The following ICA1 variants were observed in gnomAD, a reference collection of about 807,000 sequenced individuals.
ICA1 encodes 69 kDa islet cell autoantigen.
Under a neutral mutation model 71.0 loss-of-function variants are expected in ICA1, and 40 were observed. The observed-to-expected ratio is 0.56, with a 90% confidence interval of 0.44 to 0.73. The LOEUF is 0.73. ICA1 is among the 30% of genes least tolerant of loss of function. ICA1 has a pLI of 0.00. For synonymous variants in ICA1, 207 were observed against 209.5 expected (o/e 0.99, Z 0.10); for missense variants, 578 against 576.5 (o/e 1.00, Z -0.03).
chr7:8,241,426 T>G (rs533022854), intron 1 of ICA1, among the ~76,000 whole-genome samples: 83 of 152,140 alleles, frequency 5.5e-4, no homozygotes, highest in African/African-American at 1.9e-3. Context: ...GCACTAAACA[T>G]GGAAAGGAAT....
chr7:8,126,356 G>T (rs1022078371), intron 13 of ICA1, among the ~76,000 whole-genome samples: 3 of 152,096 alleles, frequency 2.0e-5, no homozygotes, highest in Admixed American at 1.3e-4. Flanking sequence ...TAGTCAGTTG[G>T]CAGCCTTACT....
At chr7:8,254,162 A>G (rs1208995594) in intron 1 of ICA1, among the ~76,000 whole-genome samples, 1 of 152,186 alleles carries the variant, frequency 6.6e-6, no homozygotes, top group Non-Finnish European at 1.5e-5. Flanking sequence ...CAAGTCACAG[A>G]GTAAAATTTG....
intron 6 of ICA1, among the ~76,000 whole-genome samples, chr7:8,188,393 T>C (rs1267787830): frequency 6.6e-6 from 1 of 152,184 alleles, no homozygotes; most frequent in East Asian, 1.9e-4. Flanking sequence ...TCAAAACTGC[T>C]CTTCCATGGT....
At chr7:8,140,431 G>A (rs1794828202) in intron 10 of ICA1, among the ~76,000 whole-genome samples, 1 of 152,148 alleles carries the variant, frequency 6.6e-6, no homozygotes, top group African/African-American at 2.4e-5. Flanking sequence ...CATAGCACTT[G>A]GCTTAGCCAG....
rs1790901957 is a variant in ICA1, at chr7:8,130,129, A to G, written c.1061-1987T>C. 6.6e-6 allele frequency among the ~76,000 whole-genome samples: 1 copy of G among 152,238 alleles called. No homozygotes were observed. The highest frequency in any genetic ancestry group is 2.4e-5 in the African/African-American group (1 of 41,536). On this transcript the variant is annotated intron_variant, in intron 12 of 13. Transcript: ENST00000402384. The surrounding 1 kb of genome is among the most constrained non-coding windows in gnomAD (Gnocchi z 4.2). ...TTGTTGGACATTTGGGTTGGTTCCA[A>G]GTCTTTGCTGCTAGTGCCGCAATAA... is the stretch of plus-strand genomic sequence containing the variant.
chr7:8,189,112 C>T (rs1487242082), intron 6 of ICA1, among the ~76,000 whole-genome samples: 1 of 152,200 alleles, frequency 6.6e-6, no homozygotes, highest in African/African-American at 2.4e-5. Context: ...GCAATCATAG[C>T]ACTTATGAAC....
chr7:8,190,246 G>A (rs145038245), intron 6 of ICA1, among the ~76,000 whole-genome samples: 27 of 151,788 alleles, frequency 1.8e-4, no homozygotes, highest in African/African-American at 6.3e-4. Flanking sequence ...GTCAGATTAG[G>A]AACATTTGGA....
intron 1 of ICA1, among the ~76,000 whole-genome samples, chr7:8,250,275 G>A (rs553519701): frequency 1.3e-5 from 2 of 152,046 alleles, no homozygotes; most frequent in African/African-American, 4.8e-5. Context: ...TATTAAAATA[G>A]TTTCAGTAGA....
At chr7:8,171,649 G>T (rs1209117799) in intron 6 of ICA1, among the ~76,000 whole-genome samples, 1 of 151,698 alleles carries the variant, frequency 6.6e-6, no homozygotes, top group African/African-American at 2.4e-5. Flanking sequence ...ACTGTCTTCT[G>T]TGTACTTAGG....
intron 13 of ICA1, among the ~76,000 whole-genome samples, chr7:8,119,635 C>G (rs1207332310): frequency 2.0e-5 from 3 of 152,132 alleles, no homozygotes; most frequent in African/African-American, 7.2e-5. Context: ...CACTTGAGGT[C>G]AGGAGTTCAA....
intron 9 of ICA1, among the ~76,000 whole-genome samples, chr7:8,143,075 A>G (rs1236089412): frequency 1.3e-5 from 2 of 152,220 alleles, no homozygotes; most frequent in Non-Finnish European, 2.9e-5. Flanking sequence ...TTGTGTGTGG[A>G]AAAGGAGTAG....
chr7:8,152,553 TCCACCACCACCA>T (rs1228620631), intron 8 of ICA1, among the ~76,000 whole-genome samples: 3,343 of 26,956 alleles, frequency 0.12, 80 homozygotes, highest in African/African-American at 0.22. Context: ...CATCACCACC[TCCACCACCACCA>T]CCACCACCAC....
chr7:8,152,803 C>CCAT (rs1799815498), intron 8 of ICA1, among the ~76,000 whole-genome samples: 1 of 149,886 alleles, frequency 6.7e-6, no homozygotes, highest in African/African-American at 2.5e-5. Context: ...ACCTCCACCA[C>CCAT]CACCACCACC....
chr7:8,229,423 C>G (rs1348467944), intron 3 of ICA1, among the ~76,000 whole-genome samples: 2 of 152,188 alleles, frequency 1.3e-5, no homozygotes, highest in Admixed American at 1.3e-4. Context: ...CAAGAAAAGA[C>G]AGAACAGACT....
chr7:8,229,828 G>C (rs976307444), intron 3 of ICA1, among the ~76,000 whole-genome samples: 1 of 152,134 alleles, frequency 6.6e-6, no homozygotes, highest in Non-Finnish European at 1.5e-5. Flanking sequence ...TAAAACAAAA[G>C]AGAAAATCAG....
chr7:8,240,303 C>T (rs765155284), intron 1 of ICA1, among the ~76,000 whole-genome samples: 152 of 152,196 alleles, frequency 1.0e-3, no homozygotes, highest in Non-Finnish European at 1.7e-3. Context: ...CAGCAAACTC[C>T]AACAAACCTG....
intron 8 of ICA1, among the ~76,000 whole-genome samples, chr7:8,145,659 T>C (rs1262359549): frequency 2.0e-5 from 3 of 151,138 alleles, no homozygotes; most frequent in East Asian, 1.9e-4. Context: ...AAGTAAAAAT[T>C]ACTCATAATT....
At chr7:8,262,259 G>A (rs900360904), upstream of ICA1, 2 of 151,948 alleles carry the variant, frequency 1.3e-5, no homozygotes, top group African/African-American at 4.8e-5. Flanking sequence ...AACCGGCGGA[G>A]CCCGTGCGCA....
chr7:8,183,161 G>A (rs2128272398), intron 6 of ICA1, among the ~76,000 whole-genome samples: 1 of 152,262 alleles, frequency 6.6e-6, no homozygotes, highest in South Asian at 2.1e-4. Context: ...GTCTCCTATG[G>A]GAATGCGGGG....
Sources: allele counts gnomAD v4.1 joint callset (sites outside exome capture counted in the v4.1 genomes callset), GRCh38; gene constraint gnomAD v4.1.1; non-coding constraint Gnocchi (gnomAD v3.1); transcripts MANE v1.5; gene names NCBI Gene and HGNC (gene_info 2026-07-23, HGNC 2026-07-21).